KANK4: variants seen among roughly 807,000 people sequenced by gnomAD.
The protein encoded by KANK4 is KN motif and ankyrin repeat domain-containing protein 4.
KANK4 carries 50 observed loss-of-function variants against 80.8 expected under a neutral mutation model. That is an observed-to-expected ratio of 0.62 (90% CI 0.49 to 0.78). The LOEUF is 0.78. KANK4 is among the 30% of genes least tolerant of loss of function. KANK4 has a pLI of 0.00. For missense variants in KANK4, 1,196 were observed against 1,240.1 expected (o/e 0.96, Z 0.53); for synonymous variants, 465 against 506.9 (o/e 0.92, Z 1.11).
chr1:62,273,085 C>T, intron 3 of KANK4, 119 bp downstream of exon 3: 1 of 702,486 alleles, frequency 1.4e-6, no homozygotes, highest in Non-Finnish European at 2.2e-6. Context: ...GCCACTGCTC[C>T]CAGCTGCTAA....
At chr1:62,251,723 G>A (rs115762140) in intron 8 of KANK4, among the ~76,000 whole-genome samples, 2,011 of 152,314 alleles carry the variant, frequency 0.013, 19 homozygotes, top group Non-Finnish European at 0.022. Context: ...GCCGGGCGCG[G>A]TGGCTCACGC....
chr1:62,315,081 G>C (rs187326833), intron 1 of KANK4, among the ~76,000 whole-genome samples: 43 of 152,292 alleles, frequency 2.8e-4, no homozygotes, highest in Admixed American at 2.5e-3. Context: ...TATCTGTGTA[G>C]ACTGCAGGCT....
intron 2 of KANK4, among the ~76,000 whole-genome samples, chr1:62,276,083 G>A (rs1004363502): frequency 6.6e-6 from 1 of 151,928 alleles, no homozygotes; most frequent in African/African-American, 2.4e-5. Flanking sequence ...CATACCCTGG[G>A]GGGCCATCAT....
intron 9 of KANK4, among the ~76,000 whole-genome samples, chr1:62,240,964 C>G (rs1483528830): frequency 6.6e-6 from 1 of 152,184 alleles, no homozygotes; most frequent in Admixed American, 6.6e-5. Flanking sequence ...TTATTGGGAG[C>G]TGAAACCTGA....
chr1:62,273,259 C>T lies in KANK4; in HGVS notation c.1845G>A (p.Ser615=), dbSNP rs770160300. 9 of 1,548,662 alleles carry T rather than the reference C, an allele frequency of 5.8e-6. No homozygotes were observed. In the South Asian group the frequency reaches 6.2e-5, roughly 11 times the overall value. The change falls in exon 3 of 10, where the codon TCG becomes TCA. Residue 615 remains serine (S), a synonymous_variant. Coordinates refer to ENST00000371153, the MANE Select transcript of KANK4 (RefSeq NM_181712.5). ...SSLNLLLSAY[S]AQAHPPKEPP... is the part of the protein sequence containing the mutation. ...GCTCCTTGGGTGGGTGAGCCTGGGC[C>T]GAGTAGGCCGACAGCAGCAGGTTGA... is the stretch of plus-strand genomic sequence containing the variant.
chr1:62,266,818 A>G lies in KANK4; in HGVS notation c.2233T>C (p.Tyr745His), dbSNP rs932291163. The G allele has an allele frequency of 1.8e-5, 29 of 1,592,882 alleles. No individual in the cohort carries two copies. The highest frequency in any genetic ancestry group is 2.5e-5 in the Non-Finnish European group (29 of 1,161,522). Reference sequence around the variant, plus strand: ...TTAAGAAATTCTTCTGAGGGTTTATATCTAAATAAAACAAACATATATACA... The same window carrying G: ...TTAAGAAATTCTTCTGAGGGTTTATGTCTAAATAAAACAAACATATATACA... ...EEVPHSKAER[Y>H]KPSEEFLNAC... The change falls in exon 6 of 10, where the codon TAT becomes CAT. Residue 745 changes from tyrosine to histidine, a missense_variant and splice_region_variant. By Grantham distance (83) the Tyr-to-His change is moderately conservative. This residue lies in a region of KANK4 where 1,154 missense variants were observed against 1,179.6 expected (regional missense o/e 0.98). Coordinates refer to ENST00000371153, the MANE Select transcript of KANK4 (RefSeq NM_181712.5).
At chr1:62,264,964 T>C (rs528145357) in intron 6 of KANK4, among the ~76,000 whole-genome samples, 1 of 152,122 alleles carries the variant, frequency 6.6e-6, no homozygotes, top group Non-Finnish European at 1.5e-5. Flanking sequence ...CCCAAGTAGC[T>C]GGGATTATAG....
At chr1:62,257,604 AC>A (rs1671783069) in intron 7 of KANK4, among the ~76,000 whole-genome samples, 1 of 151,962 alleles carries the variant, frequency 6.6e-6, no homozygotes, top group South Asian at 2.1e-4. Context: ...ACTTCTGTAC[AC>A]CCCTTTACAG....
chr1:62,251,192 C>G (rs537434030), intron 8 of KANK4, among the ~76,000 whole-genome samples: 52 of 152,304 alleles, frequency 3.4e-4, no homozygotes, highest in Non-Finnish European at 6.6e-4. Context: ...GCAGCCCACT[C>G]CATGCTTAGC....
Position 62,304,730 on chromosome 1 carries a change from C to G in KANK4, c.-71+14376G>C, listed in dbSNP as rs1023296375. Among the ~76,000 whole-genome samples, 13 of 151,990 alleles carry G rather than the reference C, an allele frequency of 8.6e-5. No individual in the cohort carries two copies. In the East Asian group the frequency reaches 2.3e-3, roughly 27 times the overall value. The stretch of plus-strand genomic sequence containing the variant: ...ACCCGCCCCCTCGCCAACAGCCTCC[C>G]CTTTCAGGAGATTCCTGCCAACAAT... On this transcript the variant is annotated intron_variant, in intron 1 of 9. Transcript: ENST00000371153.
chr1:62,294,000 G>A lies in KANK4; in HGVS notation c.-70-12366C>T, dbSNP rs551620521. 5.3e-5 allele frequency among the ~76,000 whole-genome samples: 8 copies of A among 152,262 alleles called. No homozygotes were observed. In the East Asian group the frequency reaches 9.6e-4, roughly 18 times the overall value. On this transcript the variant is annotated intron_variant, in intron 1 of 9. Coordinates refer to ENST00000371153, the MANE Select transcript of KANK4 (RefSeq NM_181712.5). ...CCTGCTAGAGCAGGTTCTGGTGTTC[G>A]CAACCGTGACCCTTAATGGCTACAA...
At chr1:62,305,993 CTCTCTT>C (rs1408604728) in intron 1 of KANK4, among the ~76,000 whole-genome samples, 1 of 152,050 alleles carries the variant, frequency 6.6e-6, no homozygotes, top group Non-Finnish European at 1.5e-5. Flanking sequence ...CTCTCTCTCT[CTCTCTT>C]TTTAACACAA....
At chr1:62,252,915 T>C in intron 8 of KANK4, 152 bp downstream of exon 8, 1 of 922,018 alleles carries the variant, frequency 1.1e-6, no homozygotes, top group Non-Finnish European at 1.7e-6. Context: ...GAAAACTGAA[T>C]ATTCAGGCTT....
At chr1:62,301,675 C>G (rs6675627) in intron 1 of KANK4, among the ~76,000 whole-genome samples, 1 of 151,662 alleles carries the variant, frequency 6.6e-6, no homozygotes, top group Non-Finnish European at 1.5e-5. Context: ...GCCAGCCCAG[C>G]GTCCAAATAG....
intron 1 of KANK4, among the ~76,000 whole-genome samples, chr1:62,296,129 T>C (rs1644361190): frequency 6.6e-6 from 1 of 152,258 alleles, no homozygotes; most frequent in Non-Finnish European, 1.5e-5. Context: ...AAACCTTCAC[T>C]GCGGTCTCTA....
chr1:62,311,683 C>T (rs981955912), intron 1 of KANK4, among the ~76,000 whole-genome samples: 9 of 152,154 alleles, frequency 5.9e-5, no homozygotes, highest in Admixed American at 5.2e-4. Context: ...GGTGGTTGTT[C>T]CAGTAGATTG....
intron 1 of KANK4, among the ~76,000 whole-genome samples, chr1:62,318,135 C>T (rs1046981244): frequency 1.3e-5 from 2 of 152,202 alleles, no homozygotes; most frequent in Non-Finnish European, 2.9e-5. Context: ...TCTCCCCATG[C>T]CTCAGCCGGG....
intron 1 of KANK4, among the ~76,000 whole-genome samples, chr1:62,310,601 G>A (rs1228099255): frequency 3.9e-5 from 6 of 152,186 alleles, no homozygotes; most frequent in Admixed American, 6.5e-5. Context: ...CACTGGGAAG[G>A]GGAGAAGGAG....
intron 1 of KANK4, among the ~76,000 whole-genome samples, chr1:62,300,850 G>A (rs1371647520): frequency 6.6e-6 from 1 of 151,978 alleles, no homozygotes; most frequent in African/African-American, 2.4e-5. Context: ...ACTTCAAGAG[G>A]GAAATAGCAA....
Sources: allele counts gnomAD v4.1 joint callset (sites outside exome capture counted in the v4.1 genomes callset), GRCh38; gene constraint gnomAD v4.1.1; regional missense constraint gnomAD v4.1.1; transcripts MANE v1.5; gene names NCBI Gene and HGNC (gene_info 2026-07-23, HGNC 2026-07-21).